The following SEPTIN7 variants were observed in gnomAD, a reference collection of about 807,000 sequenced individuals.
The protein encoded by SEPTIN7 is septin-7.
In SEPTIN7, 10 loss-of-function variants were observed where a neutral mutation model predicts 63.3. The ratio of observed to expected loss-of-function variants is 0.16; its 90% CI spans 0.10 to 0.27. The LOEUF is 0.27. Among genes scored for constraint, SEPTIN7 ranks in the 10% least tolerant of loss-of-function variants. The probability of loss-of-function intolerance (pLI) is 1.00; values close to 1 mark genes in which losing one functional copy is unlikely to be tolerated. For missense variants in SEPTIN7, 310 were observed against 521.0 expected, an observed-to-expected ratio of 0.59 and a Z score of 3.94; for synonymous variants, 131 against 165.3, an observed-to-expected ratio of 0.79 and a Z score of 1.59.
intron 1 of SEPTIN7, among the ~76,000 whole-genome samples, chr7:35,811,397 A>G (rs1452235267): frequency 6.6e-6 from 1 of 152,218 alleles, no homozygotes; most frequent in Non-Finnish European, 1.5e-5. Flanking sequence ...AACTTAAACA[A>G]ATTAGCCACA....
intron 7 of SEPTIN7, among the ~76,000 whole-genome samples, chr7:35,881,158 A>G (rs1786851061): frequency 6.6e-6 from 1 of 151,474 alleles, no homozygotes; most frequent in African/African-American, 2.4e-5. Context: ...ATTCATACTA[A>G]TTTTCAGAAA....
At chr7:35,915,587 G>T in the SEPTIN7 span, among the ~76,000 whole-genome samples, 2 of 152,090 alleles carry the variant, frequency 1.3e-5, no homozygotes, top group African/African-American at 4.8e-5. Context: ...TTTCATCTCT[G>T]CATGGTTCCA....
chr7:35,801,667 C>T (rs1562722894), intron 1 of SEPTIN7, among the ~76,000 whole-genome samples: 1 of 152,216 alleles, frequency 6.6e-6, no homozygotes, highest in Non-Finnish European at 1.5e-5. Context: ...CCGCTTCCTC[C>T]TGTCCCCGGC....
rs535642114 is a variant in SEPTIN7 at position 35,833,644 on chromosome 7, A to T, written c.169+744A>T. 2.6e-5 allele frequency among the ~76,000 whole-genome samples: 4 copies of T among 152,138 alleles called. No homozygotes were observed. The South Asian group carries it at 8.3e-4, about 32-fold the overall frequency. On this transcript the variant is annotated intron_variant, in intron 3 of 13. Coordinates refer to ENST00000350320, the MANE Select transcript of SEPTIN7 (RefSeq NM_001788.6). ...TGACTTTAGAACCTAAGTTACGAAT[A>T]TTGTATAGTGTAACTTTGTTGTATT... is the stretch of plus-strand genomic sequence containing the variant.
At chr7:35,829,062 C>T (rs562832497) in intron 1 of SEPTIN7, among the ~76,000 whole-genome samples, 1 of 151,574 alleles carries the variant, frequency 6.6e-6, no homozygotes, top group Non-Finnish European at 1.5e-5. Context: ...GCTTGCCTCC[C>T]TGACCTCATT....
At chr7:35,858,430 A>G (rs1158125575) in intron 3 of SEPTIN7, among the ~76,000 whole-genome samples, 1 of 152,080 alleles carries the variant, frequency 6.6e-6, no homozygotes, top group Non-Finnish European at 1.5e-5. Context: ...ATCTTGGCTC[A>G]CTGCAACCTC....
intron 8 of SEPTIN7, among the ~76,000 whole-genome samples, chr7:35,883,658 T>G (rs1364136715): frequency 6.6e-6 from 1 of 152,030 alleles, no homozygotes; most frequent in Non-Finnish European, 1.5e-5. Context: ...TGCTTGAATA[T>G]TCTTAACATT....
intron 4 of SEPTIN7, among the ~76,000 whole-genome samples, chr7:35,864,138 T>C (rs1206269310): frequency 6.6e-6 from 1 of 151,816 alleles, no homozygotes; most frequent in Admixed American, 6.6e-5. Flanking sequence ...ATAGAAAAGC[T>C]ATTGTGATTT....
At chr7:35,849,412 A>G (rs976517914) in intron 3 of SEPTIN7, among the ~76,000 whole-genome samples, 7 of 152,110 alleles carry the variant, frequency 4.6e-5, no homozygotes, top group Non-Finnish European at 7.4e-5. Context: ...GCAGTGTGCA[A>G]TAGGGCTTGC....
chr7:35,880,218 C>CT (rs1396218271), intron 7 of SEPTIN7, among the ~76,000 whole-genome samples: 14 of 91,470 alleles, frequency 1.5e-4, no homozygotes, highest in African/African-American at 3.1e-4. Context: ...CTTTTTTTTT[C>CT]TTTTCTTTTT....
At chr7:35,873,610 G>A in intron 5 of SEPTIN7, 31 bp from the exon 6 acceptor site, 2 of 1,588,870 alleles carry the variant, frequency 1.3e-6, no homozygotes, top group Non-Finnish European at 1.7e-6. Flanking sequence ...ATGTAGAATT[G>A]CAGCTTGTTT....
At chr7:35,877,933 A>G (rs924441504) in intron 6 of SEPTIN7, among the ~76,000 whole-genome samples, 1 of 152,226 alleles carries the variant, frequency 6.6e-6, no homozygotes. Flanking sequence ...AGCGTAGCCT[A>G]CATTTGGGCA....
intron 1 of SEPTIN7, among the ~76,000 whole-genome samples, chr7:35,812,817 A>G: frequency 6.6e-6 from 1 of 152,348 alleles, no homozygotes; most frequent in African/African-American, 2.4e-5. Context: ...TACCTATTAT[A>G]GTAACATAAA....
At chr7:35,887,770 G>C (rs534256604) in intron 10 of SEPTIN7, among the ~76,000 whole-genome samples, 1 of 152,206 alleles carries the variant, frequency 6.6e-6, no homozygotes, top group African/African-American at 2.4e-5. Flanking sequence ...CAGCAGAGCA[G>C]CAAGACTTTT....
upstream of SEPTIN7, chr7:35,800,986 G>C: frequency 4.4e-6 from 2 of 454,480 alleles, no homozygotes; most frequent in Non-Finnish European, 7.8e-6. Context: ...GTAATCTCGC[G>C]AGATGGAAGC....
intron 5 of SEPTIN7, among the ~76,000 whole-genome samples, chr7:35,873,020 CAT>C (rs145490622): frequency 2.6e-5 from 4 of 152,134 alleles, no homozygotes; most frequent in African/African-American, 4.8e-5. Context: ...TCTAAAATAA[CAT>C]AGGTAAATAG....
chr7:35,819,982 CTTTTT>C (rs556829718), intron 1 of SEPTIN7, among the ~76,000 whole-genome samples: 1 of 140,678 alleles, frequency 7.1e-6, no homozygotes, highest in African/African-American at 2.6e-5. Context: ...TACATCTTGT[CTTTTT>C]TTTTTTTTTG....
At chr7:35,810,085 G>A (rs1788595609) in intron 1 of SEPTIN7, among the ~76,000 whole-genome samples, 1 of 152,134 alleles carries the variant, frequency 6.6e-6, no homozygotes, top group Non-Finnish European at 1.5e-5. Flanking sequence ...TGAGAGGCCT[G>A]GGGGACATCC....
chr7:35,813,820 T>A (rs950292743), intron 1 of SEPTIN7, among the ~76,000 whole-genome samples: 1 of 152,228 alleles, frequency 6.6e-6, no homozygotes, highest in Non-Finnish European at 1.5e-5. Flanking sequence ...TATTGATCAT[T>A]TCACATTCGA....
Sources: gnomAD v4.1 joint callset for allele counts (sites outside exome capture counted in the v4.1 genomes callset) on GRCh38, gnomAD v4.1.1 for gene constraint, MANE v1.5 for transcripts, NCBI Gene and HGNC (gene_info 2026-07-23, HGNC 2026-07-21) for gene names.